Variants in EEPD1 observed in about 807,000 individuals in gnomAD.
The protein encoded by EEPD1 is endonuclease/exonuclease/phosphatase family domain containing 1.
In EEPD1, 17 loss-of-function variants were observed where a neutral mutation model predicts 46.3. The observed-to-expected ratio is 0.37, with a 90% CI of 0.25 to 0.55. The LOEUF (loss-of-function observed/expected upper bound fraction) is 0.55, where lower values mean the gene tolerates loss of function less well. EEPD1 is among the 20% of genes least tolerant of loss of function. The pLI, the probability that EEPD1 is intolerant of heterozygous loss-of-function variation, is 0.83. For missense variants in EEPD1, 673 were observed against 745.6 expected (o/e 0.90, Z 1.13); for synonymous variants, 313 against 315.6 (o/e 0.99, Z 0.09).
At chr7:36,280,773 C>T (rs1160410103) in intron 3 of EEPD1, among the ~76,000 whole-genome samples, 1 of 152,170 alleles carries the variant, frequency 6.6e-6, no homozygotes, top group East Asian at 1.9e-4. Flanking sequence ...CCTCCTGGGA[C>T]CTTCAATCCG....
chr7:36,171,667 T>G (rs1463285669), intron 2 of EEPD1, among the ~76,000 whole-genome samples: 1 of 152,256 alleles, frequency 6.6e-6, no homozygotes, highest in African/African-American at 2.4e-5. Flanking sequence ...GATCTTTATC[T>G]TTGGTGTTAA....
In EEPD1 at chr7:36,203,336, C is replaced by G. The variant is rs573174074; in HGVS notation, c.879-35649C>G. 7.9e-5 allele frequency among the ~76,000 whole-genome samples: 12 copies of G among 152,218 alleles called. No individual in the cohort carries two copies. The South Asian group carries it at 1.7e-3, about 21-fold the overall frequency. ...AGGTCACACCCACACCATGCAGTCGCCATTCCTGTTTTGTGTTCATTTTCT... is the reference window on the plus strand; with the variant it reads ...AGGTCACACCCACACCATGCAGTCGGCATTCCTGTTTTGTGTTCATTTTCT... On this transcript the variant is annotated intron_variant, in intron 2 of 7. Transcript: ENST00000242108.
chr7:36,198,337 G>GAAAAGAAAAAAAAAAAAA (rs1583803407), intron 2 of EEPD1, among the ~76,000 whole-genome samples: 4 of 21,126 alleles, frequency 1.9e-4, no homozygotes, highest in Admixed American at 1.3e-3. Flanking sequence ...AAAAAAAAAA[G>GAAAAGAAAAAAAAAAAAA]AAAAGAAAAA....
chr7:36,263,761 CA>C (rs1786968517), intron 3 of EEPD1, among the ~76,000 whole-genome samples: 1 of 152,204 alleles, frequency 6.6e-6, no homozygotes. Context: ...TCACCTCTAG[CA>C]GGTAAGTTCT....
intron 2 of EEPD1, among the ~76,000 whole-genome samples, chr7:36,161,833 G>A (rs1474866717): frequency 6.6e-6 from 1 of 150,798 alleles, no homozygotes; most frequent in African/African-American, 2.4e-5. Flanking sequence ...ATTCAAGGTT[G>A]TGGTGAACTG....
chr7:36,180,845 C>G (rs1008031105), intron 2 of EEPD1, among the ~76,000 whole-genome samples: 5 of 152,052 alleles, frequency 3.3e-5, no homozygotes, highest in African/African-American at 1.2e-4. Context: ...TCTGCAGGCT[C>G]AGGCCCCCCA....
chr7:36,258,650 C>T (rs1049832642), intron 3 of EEPD1, among the ~76,000 whole-genome samples: 3 of 152,106 alleles, frequency 2.0e-5, no homozygotes, highest in African/African-American at 7.2e-5. Flanking sequence ...ACTCAAGCCT[C>T]AGTAATGACG....
Position 36,237,726 on chromosome 7 carries a change from G to T in EEPD1, c.879-1259G>T, listed in dbSNP as rs148478220. 5.7e-3 allele frequency among the ~76,000 whole-genome samples: 867 copies of T among 152,286 alleles called. 5 individuals are homozygous for T. The highest frequency in any genetic ancestry group is 0.02 in the African/African-American group (825 of 41,552). On this transcript the variant is annotated intron_variant, in intron 2 of 7. Transcript: ENST00000242108. ...AGCACTTTGGGAGGCCAAGGTGGGT[G>T]GATCACTTGAAGCCGGGAGTTCAAG...
intron 2 of EEPD1, among the ~76,000 whole-genome samples, chr7:36,161,893 C>G (rs913037557): frequency 3.1e-5 from 3 of 95,388 alleles, no homozygotes; most frequent in Admixed American, 9.5e-5. Flanking sequence ...GACCCTGTCT[C>G]TCTCAAAAAA....
chr7:36,184,269 TA>T (rs1004251717), intron 2 of EEPD1, among the ~76,000 whole-genome samples: 1 of 151,916 alleles, frequency 6.6e-6, no homozygotes. Context: ...TTTCTACCAC[TA>T]AAAAAAATGC....
chr7:36,244,758 T>G (rs1786608792), intron 3 of EEPD1, among the ~76,000 whole-genome samples: 1 of 148,382 alleles, frequency 6.7e-6, no homozygotes, highest in Non-Finnish European at 1.5e-5. Flanking sequence ...GCTTCATTTT[T>G]CAGAGTTGAT....
Position 36,193,729 on chromosome 7 carries a change from A to G in EEPD1, c.878+38527A>G, listed in dbSNP as rs976072605. Among the ~76,000 whole-genome samples the G allele has an allele frequency of 4.7e-4, 71 of 152,118 alleles. No individual in the cohort carries two copies. The highest frequency in any genetic ancestry group is 1.6e-3 in the African/African-American group (65 of 41,410). On this transcript the variant is annotated intron_variant, in intron 2 of 7. Transcript: ENST00000242108. This position sits in a 1 kb window ranked among gnomAD's most constrained non-coding sequence, Gnocchi z 4.9. The stretch of plus-strand genomic sequence containing the variant: ...ATGTTCCTAGGGCTATGTTTCCAAG[A>G]GGAATTCAGAAACCCAGGCCGTCAG...
chr7:36,265,323 T>C (rs1786997011), intron 3 of EEPD1, among the ~76,000 whole-genome samples: 1 of 152,174 alleles, frequency 6.6e-6, no homozygotes, highest in Admixed American at 6.5e-5. Flanking sequence ...AGAGTGACAA[T>C]TCCTGAACAA....
At position 36,173,316 on chromosome 7, in the gene EEPD1, G is replaced by A. The variant is rs925658057; in HGVS notation, c.878+18114G>A. ...ATCGTGGCCAACATGGTGAAAGCCCGTTTATACTTAAAAAAAAAAAAAAAA... is the reference window on the plus strand; with the variant it reads ...ATCGTGGCCAACATGGTGAAAGCCCATTTATACTTAAAAAAAAAAAAAAAA... On this transcript the variant is annotated intron_variant, in intron 2 of 7. Coordinates refer to ENST00000242108, the MANE Select transcript of EEPD1 (RefSeq NM_030636.3). Among the ~76,000 whole-genome samples, 248 of 100,094 alleles carry A rather than the reference G, an allele frequency of 2.5e-3. 2 individuals carry two copies. The highest frequency in any genetic ancestry group is 4.6e-3 in the African/African-American group (114 of 24,634). The allele number at this position is 100,094 out of a possible 152,430, so 65.7% of individuals were successfully genotyped here.
chr7:36,168,779 G>C (rs11984108), intron 2 of EEPD1, among the ~76,000 whole-genome samples: 46 of 148,430 alleles, frequency 3.1e-4, no homozygotes, highest in Non-Finnish European at 6.1e-4. Flanking sequence ...AAGGTTGGGG[G>C]AGGGGGGACA....
chr7:36,194,604 CACTCATGGGAAA>C (rs1227673259), intron 2 of EEPD1, among the ~76,000 whole-genome samples: 2 of 152,154 alleles, frequency 1.3e-5, no homozygotes, highest in Non-Finnish European at 2.9e-5. Flanking sequence ...TCAGATCTTA[CACTCATGGGAAA>C]AAGCCCCCCA....
chr7:36,262,273 C>T (rs1786939073), intron 3 of EEPD1, among the ~76,000 whole-genome samples: 1 of 151,990 alleles, frequency 6.6e-6, no homozygotes, highest in Non-Finnish European at 1.5e-5. Flanking sequence ...CCCAGGAGTT[C>T]GAGACCAGCC....
chr7:36,180,086 G>A (rs924819837), intron 2 of EEPD1, among the ~76,000 whole-genome samples: 44 of 152,292 alleles, frequency 2.9e-4, no homozygotes, highest in African/African-American at 1.0e-3. Context: ...CAGCATGCAG[G>A]AGCTAGAGAG....
At chr7:36,276,580 C>T (rs1036912935) in intron 3 of EEPD1, among the ~76,000 whole-genome samples, 6 of 152,154 alleles carry the variant, frequency 3.9e-5, no homozygotes, top group Non-Finnish European at 7.3e-5. Context: ...CGTACAGGGT[C>T]CCGGGAGAGC....
Sources: allele counts gnomAD v4.1 joint callset (sites outside exome capture counted in the v4.1 genomes callset), GRCh38; gene constraint gnomAD v4.1.1; non-coding constraint Gnocchi (gnomAD v3.1); transcripts MANE v1.5; gene names NCBI Gene and HGNC (gene_info 2026-07-23, HGNC 2026-07-21).